Variants in RAB31 observed in about 807,000 individuals in gnomAD.
RAB31 encodes the protein RAB31, member RAS oncogene family, also known as ras-related protein Rab-31.
Under a neutral mutation model 25.6 loss-of-function variants are expected in RAB31, and 21 were observed. The ratio of observed to expected loss-of-function variants is 0.82; its 90% CI spans 0.58 to 1.18. RAB31 has a LOEUF of 1.18. Among genes scored for constraint, RAB31 ranks in the 50% most tolerant of loss-of-function variants. RAB31 has a pLI of 0.00. For missense variants in RAB31, 196 were observed against 250.1 expected, an observed-to-expected ratio of 0.78 and a Z score of 1.46; for synonymous variants, 87 against 84.0, an observed-to-expected ratio of 1.04 and a Z score of -0.20.
chr18:9,730,145 A>AT (rs1177078051), intron 1 of RAB31, among the ~76,000 whole-genome samples: 2 of 152,336 alleles, frequency 1.3e-5, no homozygotes, highest in African/African-American at 4.8e-5. Flanking sequence ...AAAATATGAG[A>AT]TTTTAAGTTT....
chr18:9,721,369 T>A (rs7241378), intron 1 of RAB31, among the ~76,000 whole-genome samples: 41,898 of 151,918 alleles, frequency 0.28, 6,083 homozygotes, highest in South Asian at 0.33. Context: ...ATCCCAGCAC[T>A]TCGGGAGGCC....
At chr18:9,804,531 T>C (rs1263024611) in intron 3 of RAB31, among the ~76,000 whole-genome samples, 1 of 152,192 alleles carries the variant, frequency 6.6e-6, no homozygotes, top group Non-Finnish European at 1.5e-5. Flanking sequence ...CTAGTTTTGT[T>C]TCCTCTCCTC....
At chr18:9,741,057 C>T (rs1257571096) in intron 1 of RAB31, among the ~76,000 whole-genome samples, 1 of 152,026 alleles carries the variant, frequency 6.6e-6, no homozygotes, top group Non-Finnish European at 1.5e-5. Flanking sequence ...CCTGTTGGGG[C>T]ATTGTGTGCT....
At chr18:9,839,907 TC>T (rs930463986) in intron 5 of RAB31, among the ~76,000 whole-genome samples, 64 of 152,268 alleles carry the variant, frequency 4.2e-4, no homozygotes, top group African/African-American at 1.5e-3. Context: ...CCGCAGCCGT[TC>T]CTGCGGTCTC....
rs910436875 is a variant in RAB31, at chr18:9,708,626, TGCGCCCCTCGCTCTCC to T, written c.39+201_39+216del. ...GGGTCCCCCTGGCTCCCCTAGTCCGTGCGCCCCTCGCTCTCCGCGCCCCTCGCTCTCCGCACCCCGC... is the reference window on the plus strand; with the variant it reads ...GGGTCCCCCTGGCTCCCCTAGTCCGTGCGCCCCTCGCTCTCCGCACCCCGC... On this transcript the variant is annotated intron_variant, in intron 1 of 6. Transcript: ENST00000578921. This position sits in a 1 kb window ranked among gnomAD's most constrained non-coding sequence, Gnocchi z 6.4. 2.5e-4 allele frequency among the ~76,000 whole-genome samples: 37 copies of T among 149,042 alleles called. No individual in the cohort carries two copies. Among genetic ancestry groups the T allele is most frequent in the Admixed American group, 1.8e-3 (27 of 15,036 alleles).
intron 5 of RAB31, among the ~76,000 whole-genome samples, chr18:9,837,212 T>C (rs928237605): frequency 6.6e-6 from 1 of 151,984 alleles, no homozygotes; most frequent in Admixed American, 6.6e-5. Context: ...CGGTGTGAAA[T>C]ACATAGGGAG....
intron 2 of RAB31, among the ~76,000 whole-genome samples, chr18:9,781,083 C>T (rs2068401567): frequency 6.6e-6 from 1 of 152,068 alleles, no homozygotes; most frequent in Non-Finnish European, 1.5e-5. Context: ...GAATAAAAAT[C>T]TATTTAAGGC....
At chr18:9,835,445 C>G (rs2068699475) in intron 5 of RAB31, among the ~76,000 whole-genome samples, 1 of 152,168 alleles carries the variant, frequency 6.6e-6, no homozygotes, top group Admixed American at 6.5e-5. Context: ...TGTTTTCTGC[C>G]CAGTCCCTGT....
At chr18:9,789,675 A>T (rs909833681) in intron 2 of RAB31, among the ~76,000 whole-genome samples, 4 of 152,062 alleles carry the variant, frequency 2.6e-5, no homozygotes, top group African/African-American at 9.7e-5. Context: ...GGTTTTTTGA[A>T]TTTTTTTTAT....
intron 2 of RAB31, chr18:9,786,912 A>G (rs2068436415): frequency 6.5e-6 from 1 of 153,356 alleles, no homozygotes; most frequent in South Asian, 2.1e-4. Context: ...AAAAATAGAA[A>G]CTACTTTGAG....
chr18:9,835,544 C>A (rs1407854737), intron 5 of RAB31, among the ~76,000 whole-genome samples: 1 of 152,196 alleles, frequency 6.6e-6, no homozygotes, highest in Non-Finnish European at 1.5e-5. Context: ...GAACCTGACA[C>A]CAGGAATTTA....
chr18:9,795,506 C>T (rs1178577019), intron 3 of RAB31, among the ~76,000 whole-genome samples: 1 of 152,038 alleles, frequency 6.6e-6, no homozygotes, highest in Non-Finnish European at 1.5e-5. Flanking sequence ...GACTAATATC[C>T]AGATCTACAT....
chr18:9,720,453 T>A (rs996067166), intron 1 of RAB31, among the ~76,000 whole-genome samples: 2 of 152,022 alleles, frequency 1.3e-5, no homozygotes, highest in Admixed American at 1.3e-4. Flanking sequence ...TGAGGGCTGG[T>A]GGAGTTTGGG....
chr18:9,799,874 A>AC (rs1273916632), intron 3 of RAB31, among the ~76,000 whole-genome samples: 1 of 152,206 alleles, frequency 6.6e-6, no homozygotes, highest in Non-Finnish European at 1.5e-5. Context: ...GTGTTGTACC[A>AC]CCAAGGACTA....
intron 1 of RAB31, among the ~76,000 whole-genome samples, chr18:9,759,380 A>G (rs1233243766): frequency 2.0e-5 from 3 of 151,976 alleles, no homozygotes; most frequent in Admixed American, 6.6e-5. Flanking sequence ...TATGTTGTCC[A>G]GGCTGTTCTC....
chr18:9,711,348 G>A (rs769754194), intron 1 of RAB31, among the ~76,000 whole-genome samples: 1 of 152,032 alleles, frequency 6.6e-6, no homozygotes, highest in Non-Finnish European at 1.5e-5. Context: ...GGATCAGTCA[G>A]TGCTAAGTCC....
In RAB31 at chr18:9,766,957, A is replaced by AAAAC. The variant is rs113986997; in HGVS notation, c.40-8309_40-8306dup. Among the ~76,000 whole-genome samples, 170 of 152,314 alleles carry AAAAC rather than the reference A, an allele frequency of 1.1e-3. 2 individuals are homozygous for AAAAC. The highest frequency in any genetic ancestry group is 3.9e-3 in the African/African-American group (163 of 41,564). Reference sequence around the variant, plus strand: ...GGGTGACAGAGTGAGATCTTGTCTCAAAACAAACAAACAAAACCCCAAACC... The same window carrying AAAAC: ...GGGTGACAGAGTGAGATCTTGTCTCAAAACAAACAAACAAACAAAACCCCAAACC... On this transcript the variant is annotated intron_variant, in intron 1 of 6. Transcript: ENST00000578921. The surrounding 1 kb of genome is among the most constrained non-coding windows in gnomAD (Gnocchi z 4.3).
chr18:9,718,485 T>G (rs926288580), intron 1 of RAB31, among the ~76,000 whole-genome samples: 1 of 150,540 alleles, frequency 6.6e-6, no homozygotes, highest in South Asian at 2.1e-4. Flanking sequence ...TCTTGAACTC[T>G]TGACCTCAGG....
At chr18:9,851,173 C>A (rs1294767512) in intron 6 of RAB31, among the ~76,000 whole-genome samples, 1 of 151,582 alleles carries the variant, frequency 6.6e-6, no homozygotes, top group Admixed American at 6.6e-5. Context: ...CAAAGTTTGT[C>A]CACTTTCTCA....
Sources: allele counts gnomAD v4.1 joint callset (sites outside exome capture counted in the v4.1 genomes callset), GRCh38; gene constraint gnomAD v4.1.1; non-coding constraint Gnocchi (gnomAD v3.1); transcripts MANE v1.5; gene names NCBI Gene and HGNC (gene_info 2026-07-23, HGNC 2026-07-21).